The following CDKAL1 variants were observed in gnomAD, a reference collection of about 807,000 sequenced individuals.
The protein encoded by CDKAL1 is threonylcarbamoyladenosine tRNA methylthiotransferase.
In CDKAL1, 32 loss-of-function variants were observed where a neutral mutation model predicts 68.2. The ratio of observed to expected loss-of-function variants is 0.47; its 90% CI spans 0.35 to 0.63. The LOEUF is 0.63. CDKAL1 is among the 30% of genes least tolerant of loss of function. CDKAL1 has a pLI of 0.00. For synonymous variants in CDKAL1, 234 were observed against 244.3 expected, an observed-to-expected ratio of 0.96 and a Z score of 0.39; for missense variants, 606 against 696.7, an observed-to-expected ratio of 0.87 and a Z score of 1.47.
intron 8 of CDKAL1, among the ~76,000 whole-genome samples, chr6:20,808,234 A>G (rs1027480711): frequency 6.6e-6 from 1 of 152,164 alleles, no homozygotes; most frequent in Admixed American, 6.5e-5. Context: ...AAAAAATTCT[A>G]TTCTTCTCCT....
intron 12 of CDKAL1, among the ~76,000 whole-genome samples, chr6:21,108,050 C>T (rs764423836): frequency 2.6e-5 from 4 of 152,252 alleles, no homozygotes; most frequent in Non-Finnish European, 5.9e-5. Flanking sequence ...ACAATGAAAT[C>T]GGAAGTGCCC....
intron 13 of CDKAL1, among the ~76,000 whole-genome samples, chr6:21,195,525 ATTTG>A (rs951234368): frequency 1.4e-4 from 19 of 136,782 alleles, no homozygotes; most frequent in Non-Finnish European, 2.8e-4. Context: ...TTATTTATTT[ATTTG>A]AGACAGGGTC....
intron 8 of CDKAL1, among the ~76,000 whole-genome samples, chr6:20,830,529 A>T (rs1269705545): frequency 6.6e-6 from 1 of 152,226 alleles, no homozygotes; most frequent in Admixed American, 6.5e-5. Context: ...TAAAAATATA[A>T]TACAAACTAG....
chr6:20,808,129 G>A (rs1776649394), intron 8 of CDKAL1, among the ~76,000 whole-genome samples: 1 of 152,122 alleles, frequency 6.6e-6, no homozygotes. Flanking sequence ...CTCTTCATAT[G>A]TCAATATTAG....
At chr6:20,827,605 CAT>C (rs1491276174) in intron 8 of CDKAL1, among the ~76,000 whole-genome samples, 1 of 151,696 alleles carries the variant, frequency 6.6e-6, no homozygotes, top group African/African-American at 2.4e-5. Flanking sequence ...ATGTTTTAGA[CAT>C]AAAAAAAAAG....
At chr6:20,768,826 T>C (rs1774811946) in intron 7 of CDKAL1, among the ~76,000 whole-genome samples, 1 of 152,096 alleles carries the variant, frequency 6.6e-6, no homozygotes. Context: ...TAGGTAACAT[T>C]ACCTAGAGCA....
chr6:20,590,440 G>C (rs762852439), intron 4 of CDKAL1, among the ~76,000 whole-genome samples: 1 of 151,954 alleles, frequency 6.6e-6, no homozygotes, highest in Non-Finnish European at 1.5e-5. Flanking sequence ...CACGTGCCAC[G>C]GTGGTTTGCT....
intron 13 of CDKAL1, among the ~76,000 whole-genome samples, chr6:21,115,080 T>G (rs1774340590): frequency 6.6e-6 from 1 of 152,200 alleles, no homozygotes; most frequent in South Asian, 2.1e-4. Context: ...CCTCAAAGAC[T>G]AGGCATCTCT....
At chr6:20,868,095 G>A (rs1240697813) in intron 9 of CDKAL1, among the ~76,000 whole-genome samples, 1 of 152,056 alleles carries the variant, frequency 6.6e-6, no homozygotes, top group African/African-American at 2.4e-5. Flanking sequence ...TTAGTTCAGA[G>A]ACACACATAG....
At chr6:20,643,198 C>T (rs1413242235) in intron 4 of CDKAL1, among the ~76,000 whole-genome samples, 3 of 152,114 alleles carry the variant, frequency 2.0e-5, no homozygotes, top group African/African-American at 7.2e-5. Context: ...TTCCCTGGTC[C>T]ACTCTTGTCC....
rs189823490 is a variant in CDKAL1 at position 21,149,895 on chromosome 6, G to T, written c.1299+41432G>T. Among the ~76,000 whole-genome samples the T allele has an allele frequency of 9.9e-3, 1,511 of 151,984 alleles. 10 individuals carry two copies. Among genetic ancestry groups the T allele is most frequent in the Non-Finnish European group, 0.014 (939 of 67,958 alleles). On this transcript the variant is annotated intron_variant, in intron 13 of 15. Transcript: ENST00000274695. Reference sequence around the variant, plus strand: ...TATTTTGAGATAGAGTCTTGCTCTGGCACCCAGGCTGGAGTGCAGTGGCGC... The same window carrying T: ...TATTTTGAGATAGAGTCTTGCTCTGTCACCCAGGCTGGAGTGCAGTGGCGC...
At chr6:21,145,665 C>G (rs1776129481) in intron 13 of CDKAL1, among the ~76,000 whole-genome samples, 1 of 152,216 alleles carries the variant, frequency 6.6e-6, no homozygotes, top group Non-Finnish European at 1.5e-5. Context: ...ACTTCACAGT[C>G]CAAAGAAGCA....
intron 11 of CDKAL1, among the ~76,000 whole-genome samples, chr6:21,003,553 G>A (rs1011100293): frequency 3.3e-5 from 5 of 150,304 alleles, no homozygotes; most frequent in Non-Finnish European, 7.4e-5. Context: ...GTGACAGAGT[G>A]AGACTCCATC....
intron 13 of CDKAL1, among the ~76,000 whole-genome samples, chr6:21,128,780 C>T (rs1004284374): frequency 2.6e-5 from 4 of 152,278 alleles, no homozygotes; most frequent in Non-Finnish European, 5.9e-5. Flanking sequence ...GAAAGTATAT[C>T]ATTCAAGAGG....
At chr6:21,067,716 T>G (rs1207007436) in intron 12 of CDKAL1, among the ~76,000 whole-genome samples, 5 of 151,968 alleles carry the variant, frequency 3.3e-5, no homozygotes, top group Non-Finnish European at 7.4e-5. Context: ...CACTGGGGGG[T>G]CTGGCTAGGA....
At chr6:20,761,465 G>C (rs910864207) in intron 7 of CDKAL1, among the ~76,000 whole-genome samples, 12 of 152,138 alleles carry the variant, frequency 7.9e-5, no homozygotes, top group Non-Finnish European at 1.6e-4. Flanking sequence ...ACAAAAACCT[G>C]TTCAGTGTTT....
At chr6:20,793,517 C>T (rs1775986639) in intron 8 of CDKAL1, among the ~76,000 whole-genome samples, 1 of 152,028 alleles carries the variant, frequency 6.6e-6, no homozygotes, top group Admixed American at 6.6e-5. Flanking sequence ...TGAGAGTCTT[C>T]TGTATAAGTG....
At chr6:20,885,978 A>G (rs1016871712) in intron 9 of CDKAL1, among the ~76,000 whole-genome samples, 3 of 152,132 alleles carry the variant, frequency 2.0e-5, no homozygotes, top group African/African-American at 7.2e-5. Flanking sequence ...GAGAGGTTGC[A>G]GTGAGCCAAG....
At chr6:20,782,446 T>C (rs772878991) in intron 8 of CDKAL1, among the ~76,000 whole-genome samples, 18 of 152,228 alleles carry the variant, frequency 1.2e-4, no homozygotes, top group Non-Finnish European at 2.6e-4. Flanking sequence ...CTGTCTAGCC[T>C]GAGCCGAATT....
Sources: allele counts gnomAD v4.1 joint callset (sites outside exome capture counted in the v4.1 genomes callset), GRCh38; gene constraint gnomAD v4.1.1; transcripts MANE v1.5; gene names NCBI Gene and HGNC (gene_info 2026-07-23, HGNC 2026-07-21).